CNIH3: variants seen among roughly 807,000 people sequenced by gnomAD.
CNIH3 encodes protein cornichon homolog 3.
CNIH3 carries 14 observed loss-of-function variants against 24.1 expected under a neutral mutation model. That is an observed-to-expected ratio of 0.58 (90% CI 0.38 to 0.91). CNIH3 has a LOEUF of 0.91. CNIH3 is among the 40% of genes least tolerant of loss of function. CNIH3 has a pLI of 0.00. For missense variants in CNIH3, 178 were observed against 196.8 expected (o/e 0.90, Z 0.57); for synonymous variants, 68 against 73.8 (o/e 0.92, Z 0.40).
chr1:224,553,359 T>C (rs2124970195), intron 3 of CNIH3, among the ~76,000 whole-genome samples: 1 of 152,104 alleles, frequency 6.6e-6, no homozygotes, highest in East Asian at 1.9e-4. Flanking sequence ...CAGGTTGTTT[T>C]CTGCCGTCCT....
At chr1:224,466,047 A>C (rs561200083) in intron 1 of CNIH3, among the ~76,000 whole-genome samples, 1 of 152,184 alleles carries the variant, frequency 6.6e-6, no homozygotes, top group African/African-American at 2.4e-5. Flanking sequence ...ACAAAAAACG[A>C]AAAACAAAAA....
intron 1 of CNIH3, among the ~76,000 whole-genome samples, chr1:224,657,164 C>T (rs1685137479): frequency 1.6e-4 from 25 of 152,054 alleles, no homozygotes; most frequent in Admixed American, 1.6e-3. Flanking sequence ...TCCATCCTGT[C>T]CTTCAGTAGG....
At chr1:224,584,124 C>G (rs1364625892) in intron 5 of CNIH3, among the ~76,000 whole-genome samples, 1 of 152,190 alleles carries the variant, frequency 6.6e-6, no homozygotes, top group Non-Finnish European at 1.5e-5. Flanking sequence ...TTTTGCACAT[C>G]ATTATTGCTG....
chr1:224,597,960 G>A (rs1033194759), intron 3 of CNIH3, among the ~76,000 whole-genome samples: 1 of 152,108 alleles, frequency 6.6e-6, no homozygotes, highest in Non-Finnish European at 1.5e-5. Context: ...TGAATTGAAG[G>A]ACACCCAGCG....
chr1:224,483,310 A>G (rs1676886764), intron 1 of CNIH3, among the ~76,000 whole-genome samples: 1 of 152,114 alleles, frequency 6.6e-6, no homozygotes, highest in Non-Finnish European at 1.5e-5. Context: ...AGATTGCAGC[A>G]CTGCACTCCA....
intron 1 of CNIH3, among the ~76,000 whole-genome samples, chr1:224,638,618 C>T (rs1239687838): frequency 1.3e-5 from 2 of 152,146 alleles, no homozygotes; most frequent in Admixed American, 1.3e-4. Flanking sequence ...GCTGGCACAT[C>T]CCTAGATGTT....
intron 1 of CNIH3, among the ~76,000 whole-genome samples, chr1:224,482,209 G>A (rs893655762): frequency 6.6e-6 from 1 of 152,274 alleles, no homozygotes; most frequent in Middle Eastern, 3.4e-3. Flanking sequence ...GGGACCCCAA[G>A]AGCCTGGTTG....
chr1:224,508,427 C>G (rs1239536451), intron 1 of CNIH3, among the ~76,000 whole-genome samples: 1 of 152,144 alleles, frequency 6.6e-6, no homozygotes, highest in East Asian at 1.9e-4. Flanking sequence ...AATTGGAATT[C>G]CTAAGATGTG....
In CNIH3 at chr1:224,616,412, G is replaced by A. The variant is rs1296447860; in HGVS notation, c.-763G>A. On this transcript the variant is annotated 5_prime_UTR_variant, in exon 1 of 6. Transcript: ENST00000272133. ...CTGAAACCCACTGCTGCAGCCACCC[G>A]GGCTGGAGTTGGCCCGTTGGGTGGA... 1 of 958,556 alleles carries A rather than the reference G, an allele frequency of 1.0e-6. No individual in the cohort carries two copies. Among genetic ancestry groups the A allele is most frequent in the Non-Finnish European group, 1.2e-6 (1 of 800,568 alleles). 59.4% of individuals were successfully genotyped at this position (958,556 alleles called of 1,614,324 possible).
intron 1 of CNIH3, among the ~76,000 whole-genome samples, chr1:224,642,841 G>A (rs1684424573): frequency 6.6e-6 from 1 of 152,200 alleles, no homozygotes; most frequent in Admixed American, 6.5e-5. Context: ...TGCATCGAAA[G>A]CATGGTCTTA....
intron 3 of CNIH3, among the ~76,000 whole-genome samples, chr1:224,695,758 T>C (rs1467639652): frequency 3.3e-5 from 5 of 152,238 alleles, no homozygotes; most frequent in African/African-American, 1.2e-4. Flanking sequence ...GGCTCCCCTG[T>C]AGTCTGGACC....
intron 2 of CNIH3, among the ~76,000 whole-genome samples, chr1:224,522,285 T>C (rs141549540): frequency 1.3e-5 from 2 of 152,326 alleles, no homozygotes; most frequent in East Asian, 3.9e-4. Flanking sequence ...AACACTGTAC[T>C]TTGCAGGGTT....
chr1:224,560,316 G>T (rs183886508), intron 3 of CNIH3, among the ~76,000 whole-genome samples: 1 of 152,170 alleles, frequency 6.6e-6, no homozygotes, highest in Non-Finnish European at 1.5e-5. Flanking sequence ...TTCCAAAGTG[G>T]TGGAATCATT....
intron 1 of CNIH3, among the ~76,000 whole-genome samples, chr1:224,484,028 G>A (rs945349975): frequency 1.6e-4 from 25 of 152,072 alleles, no homozygotes; most frequent in Middle Eastern, 3.4e-3. Context: ...AAAATTAGCC[G>A]GGTGTGGTGG....
intron 3 of CNIH3, among the ~76,000 whole-genome samples, chr1:224,599,223 G>A (rs563415459): frequency 1.1e-4 from 17 of 152,256 alleles, no homozygotes; most frequent in Middle Eastern, 6.8e-3. Flanking sequence ...TCTGCTCCAG[G>A]TGGTGTTAGC....
chr1:224,446,628 T>C (rs1280958291), intron 1 of CNIH3, among the ~76,000 whole-genome samples: 2 of 152,232 alleles, frequency 1.3e-5, no homozygotes, highest in African/African-American at 4.8e-5. Flanking sequence ...AGTAGTATTC[T>C]TTAGTCTTGA....
intron 1 of CNIH3, among the ~76,000 whole-genome samples, chr1:224,679,585 C>T (rs1373702092): frequency 2.0e-5 from 3 of 152,152 alleles, no homozygotes; most frequent in Non-Finnish European, 4.4e-5. Flanking sequence ...GTTACTGAAG[C>T]GTTTAAGTAC....
At chr1:224,497,019 A>T (rs1336317181) in intron 1 of CNIH3, among the ~76,000 whole-genome samples, 2 of 152,268 alleles carry the variant, frequency 1.3e-5, no homozygotes, top group Non-Finnish European at 2.9e-5. Context: ...TGGTATATCC[A>T]TACAATGGAA....
chr1:224,464,854 G>A (rs928947225), intron 1 of CNIH3, among the ~76,000 whole-genome samples: 3 of 151,958 alleles, frequency 2.0e-5, no homozygotes, highest in Non-Finnish European at 2.9e-5. Flanking sequence ...GAAGTGCAGT[G>A]GTGTGATCAC....
Sources: allele counts gnomAD v4.1 joint callset (sites outside exome capture counted in the v4.1 genomes callset), GRCh38; gene constraint gnomAD v4.1.1; transcripts MANE v1.5; gene names NCBI Gene and HGNC (gene_info 2026-07-23, HGNC 2026-07-21).